Variants in SPX observed in about 807,000 individuals in gnomAD.
SPX encodes spexin hormone, also known as spexin.
Under a neutral mutation model 19.2 loss-of-function variants are expected in SPX, and 22 were observed. The observed-to-expected ratio is 1.15, with a 90% CI of 0.82 to 1.64. SPX has a LOEUF of 1.64. Ranked by LOEUF, SPX falls within the 40% of genes most tolerant of loss-of-function variation. SPX has a pLI of 0.00. For synonymous variants in SPX, 50 were observed against 53.3 expected, an observed-to-expected ratio of 0.94 and a Z score of 0.27; for missense variants, 143 against 137.7, an observed-to-expected ratio of 1.04 and a Z score of -0.19.
chr12:21,526,375 C>A lies in SPX; in HGVS notation c.-98C>A, dbSNP rs1020292886. 4.7e-6 allele frequency: 6 copies of A among 1,278,050 alleles called. No homozygotes were observed. In the African/African-American group the frequency reaches 7.4e-5, roughly 16 times the overall value. The allele number at this position is 1,278,050 out of a possible 1,614,324, so 79.2% of individuals were successfully genotyped here. ...ACTCTACTCCAGATGGGGAGGTGCCCTTAACACCAAGATTTTAAAAGCTCC... is the reference window on the plus strand; with the variant it reads ...ACTCTACTCCAGATGGGGAGGTGCCATTAACACCAAGATTTTAAAAGCTCC... On this transcript the variant is annotated 5_prime_UTR_variant, in exon 1 of 6. Coordinates refer to ENST00000256969, the MANE Select transcript of SPX (RefSeq NM_030572.4).
Position 21,527,188 on chromosome 12 carries a change from G to C in SPX, c.141G>C (p.Gly47=), listed in dbSNP as rs751718162. 3 of 1,613,698 alleles carry C rather than the reference G, an allele frequency of 1.9e-6. No homozygotes were observed. Among genetic ancestry groups the C allele is most frequent in the African/African-American group, 1.3e-5 (1 of 74,988 alleles). The change falls in exon 3 of 6, where the codon GGG becomes GGC. Residue 47 remains glycine (G), a synonymous_variant. Coordinates refer to ENST00000256969, the MANE Select transcript of SPX (RefSeq NM_030572.4). ...WTPQAMLYLK[G]AQGRRFISDQ... ...CTCAAGCTATGCTCTACCTGAAAGG[G>C]GCACGTAAGTTCCAAATATTTCGCT...
At chr12:21,531,031 G>T in intron 5 of SPX, 106 bp from the exon 6 acceptor site, 1 of 728,740 alleles carries the variant, frequency 1.4e-6, no homozygotes. Context: ...AGTTAACATA[G>T]CTTAGAAGGC....
chr12:21,532,480 C>T lies in SPX; in HGVS notation c.*1285C>T, dbSNP rs868839300. ...TTCAAGTTAATGTAATGTTGATCTC[C>T]GTCGAAAAATAACTTGTGAGCATTA... is the stretch of plus-strand genomic sequence containing the variant. On this transcript the variant is annotated 3_prime_UTR_variant, in exon 6 of 6. Coordinates refer to ENST00000256969, the MANE Select transcript of SPX (RefSeq NM_030572.4). 2.1e-4 allele frequency: 32 copies of T among 151,980 alleles called. No homozygotes were observed. The highest frequency in any genetic ancestry group is 3.4e-3 in the Middle Eastern group (1 of 294). The allele number at this position is 151,980 out of a possible 1,614,324, so 9.4% of individuals were successfully genotyped here.
rs12829508 is a variant in SPX at position 21,527,429 on chromosome 12, T to A, written c.145+237T>A. The A allele has an allele frequency of 8.3e-6, 5 of 599,846 alleles. No individual in the cohort carries two copies. The Admixed American group carries it at 8.9e-5, about 11-fold the overall frequency. The allele number at this position is 599,846 out of a possible 1,614,324, so 37.2% of individuals were successfully genotyped here. ...TCCAAAACTGGAGGGTTGCTTCTCT[T>A]GGTCCAAATGGGGACTCGGGTTGCC... On this transcript the variant is annotated intron_variant, in intron 3 of 5. Coordinates refer to ENST00000256969, the MANE Select transcript of SPX (RefSeq NM_030572.4).
At chr12:21,527,824 C>T (rs939276820) in intron 4 of SPX, 35 bp downstream of exon 4, 3 of 1,555,360 alleles carry the variant, frequency 1.9e-6, no homozygotes, top group African/African-American at 2.7e-5. Context: ...GCTAGTCCTG[C>T]GCTTTTGGAA....
chr12:21,531,084 T>C, intron 5 of SPX, 53 bp from the exon 6 acceptor site: 1 of 1,072,922 alleles, frequency 9.3e-7, no homozygotes, highest in Non-Finnish European at 1.4e-6. Context: ...TACCTTTTCC[T>C]CTATTAAAAC....
chr12:21,527,499 G>A (rs1943825403), intron 3 of SPX: 1 of 609,488 alleles, frequency 1.6e-6, no homozygotes, highest in Non-Finnish European at 2.9e-6. Flanking sequence ...AAGCGCCCTT[G>A]CGGCGTCCGG....
chr12:21,527,595 G>T, intron 3 of SPX, 132 bp from the exon 4 acceptor site: 1 of 881,606 alleles, frequency 1.1e-6, no homozygotes, highest in African/African-American at 1.7e-5. Flanking sequence ...CGGCAGCCCC[G>T]CGCGACCCTA....
chr12:21,532,938 C>T lies in SPX; in HGVS notation c.*1743C>T, dbSNP rs1388732881. ...AATATGCTGATTAATTAAAAGGTCC[C>T]TCTTCCCAATTTTCTATAACTTTCC... On this transcript the variant is annotated 3_prime_UTR_variant, in exon 6 of 6. Transcript: ENST00000256969. 6.6e-6 allele frequency: 1 copy of T among 152,170 alleles called. No homozygotes were observed. Among genetic ancestry groups the T allele is most frequent in the Non-Finnish European group, 1.5e-5 (1 of 68,020 alleles). 9.4% of individuals were successfully genotyped at this position (152,170 alleles called of 1,614,324 possible). A position where few individuals can be genotyped will look rare whatever the true frequency, so the allele number is the denominator to read the frequency against.
chr12:21,527,473 C>A (rs981777620), intron 3 of SPX: 1 of 600,478 alleles, frequency 1.7e-6, no homozygotes, highest in Admixed American at 3.0e-5. Context: ...ATCTCAGTAA[C>A]CCGACCTCCG....
At position 21,526,957 on chromosome 12, in the gene SPX, C is replaced by A. The variant is rs1181011741; in HGVS notation, c.78C>A (p.Cys26Ter). The change falls in exon 2 of 6, where the codon TGC becomes TGA. Residue 26 changes from cysteine to a stop codon, truncating the protein, a stop_gained. Transcript: ENST00000256969. LOFTEE classifies it high-confidence loss of function. ...TTGTTTTCCTGGGAAACTCCAGCTGCGCTCCGCAGGTAATCAAATGCAAAA... is the reference window on the plus strand; with the variant it reads ...TTGTTTTCCTGGGAAACTCCAGCTGAGCTCCGCAGGTAATCAAATGCAAAA... ...LVFVFLGNSS[C>*]APQRLLERRN... The A allele has an allele frequency of 6.8e-6, 11 of 1,614,124 alleles. No individual in the cohort carries two copies. The highest frequency in any genetic ancestry group is 2.2e-5 in the East Asian group (1 of 44,886).
intron 4 of SPX, 194 bp downstream of exon 4, chr12:21,527,983 G>T: frequency 1.7e-6 from 1 of 583,024 alleles, no homozygotes; most frequent in Non-Finnish European, 2.9e-6. Flanking sequence ...CCGAGCGCCG[G>T]AGCTGGGAGC....
rs1453626744 is a variant in SPX at position 21,526,875 on chromosome 12, G to C, written c.7-11G>C. ...CAGAAATGACCCTTTCTGGTTGATC[G>C]CTTCATATAGGGACTCAGAAGTCTG... On this transcript the variant is annotated splice_polypyrimidine_tract_variant and intron_variant, in intron 1 of 5. Transcript: ENST00000256969. 6 of 1,613,306 alleles carry C rather than the reference G, an allele frequency of 3.7e-6. No homozygotes were observed. Among genetic ancestry groups the C allele is most frequent in the African/African-American group, 2.7e-5 (2 of 75,014 alleles).
rs1943870254 is a variant in SPX, at chr12:21,532,002, A to G, written c.*807A>G. On this transcript the variant is annotated 3_prime_UTR_variant, in exon 6 of 6. Coordinates refer to ENST00000256969, the MANE Select transcript of SPX (RefSeq NM_030572.4). The stretch of plus-strand genomic sequence containing the variant: ...CTCAACAGATTCAAGTACTCTGCTT[A>G]CTCTAATTGACTAGACTCTAGGTTT... 6.6e-6 allele frequency: 1 copy of G among 152,178 alleles called. No individual in the cohort carries two copies. The allele number at this position is 152,178 out of a possible 1,614,324, so 9.4% of individuals were successfully genotyped here.
Position 21,526,387 on chromosome 12 carries a change from A to AT in SPX, c.-82dup, listed in dbSNP as rs1348983063. ...ATGGGGAGGTGCCCTTAACACCAAG[A>AT]TTTTAAAAGCTCCAATTTCAGAGCA... On this transcript the variant is annotated 5_prime_UTR_variant, in exon 1 of 6. It removes the in-frame stop codon of an upstream open reading frame in the 5' UTR. Transcript: ENST00000256969. 47 of 1,420,170 alleles carry AT rather than the reference A, an allele frequency of 3.3e-5. No homozygotes were observed. The highest frequency in any genetic ancestry group is 2.9e-6 in the Non-Finnish European group (3 of 1,034,630). The allele number at this position is 1,420,170 out of a possible 1,614,324, so 88.0% of individuals were successfully genotyped here. A position where few individuals can be genotyped will look rare whatever the true frequency, so the allele number is the denominator to read the frequency against.
chr12:21,527,632 C>A (rs1943826810), intron 3 of SPX, 95 bp from the exon 4 acceptor site: 29 of 1,297,550 alleles, frequency 2.2e-5, no homozygotes, highest in Non-Finnish European at 2.9e-5. Context: ...CCCCTCCCCA[C>A]GCCCGGGGAC....
rs1046268745 is a variant in SPX, at chr12:21,526,867, G to T, written c.7-19G>T. 6 of 1,611,238 alleles carry T rather than the reference G, an allele frequency of 3.7e-6. No homozygotes were observed. Among genetic ancestry groups the T allele is most frequent in the Non-Finnish European group, 4.2e-6 (5 of 1,177,568 alleles). The stretch of plus-strand genomic sequence containing the variant: ...TATTGGCACAGAAATGACCCTTTCT[G>T]GTTGATCGCTTCATATAGGGACTCA... On this transcript the variant is annotated intron_variant, in intron 1 of 5. Coordinates refer to ENST00000256969, the MANE Select transcript of SPX (RefSeq NM_030572.4).
intron 5 of SPX, among the ~76,000 whole-genome samples, chr12:21,529,908 T>C (rs566796916): frequency 5.9e-5 from 9 of 152,178 alleles, no homozygotes; most frequent in Admixed American, 4.6e-4. Flanking sequence ...CTGATGGAGA[T>C]TGGTTGATAG....
chr12:21,529,022 A>G lies in SPX; in HGVS notation c.230A>G (p.Gln77Arg), dbSNP rs2136821855. 1 of 1,614,180 alleles carries G rather than the reference A, an allele frequency of 6.2e-7. No homozygotes were observed. The highest frequency in any genetic ancestry group is 8.5e-7 in the Non-Finnish European group (1 of 1,180,018). Reference protein sequence around the residue: ...PLPERRSPNPQLLTIPEAATI... With the variant: ...PLPERRSPNPRLLTIPEAATI... Reference sequence around the variant, plus strand: ...GCAGAAAGACGAAGCCCAAATCCCCAACTACTAACTATTCCGGAGGCAGCA... The same window carrying G: ...GCAGAAAGACGAAGCCCAAATCCCCGACTACTAACTATTCCGGAGGCAGCA... Residue 77 changes from glutamine to arginine, a missense_variant, in exon 5 of 6, where the codon CAA becomes CGA. Gln to Arg is a conservative substitution (Grantham distance 43, BLOSUM62 1). Coordinates refer to ENST00000256969, the MANE Select transcript of SPX (RefSeq NM_030572.4).
Sources: gnomAD v4.1 joint callset for allele counts (sites outside exome capture counted in the v4.1 genomes callset) on GRCh38, gnomAD v4.1.1 for gene constraint, MANE v1.5 for transcripts, NCBI Gene and HGNC (gene_info 2026-07-23, HGNC 2026-07-21) for gene names.